The following CHID1 variants were observed in gnomAD, a reference collection of about 807,000 sequenced individuals.
CHID1 encodes the protein chitinase domain containing 1.
In CHID1, 44 loss-of-function variants were observed where a neutral mutation model predicts 55.4. That is an observed-to-expected ratio of 0.79 (90% confidence interval 0.62 to 1.02). The LOEUF (loss-of-function observed/expected upper bound fraction) is 1.02, where lower values mean the gene tolerates loss of function less well. Ranked by LOEUF, CHID1 falls within the 50% of genes least tolerant of loss-of-function variation. The pLI, the probability that CHID1 is intolerant of heterozygous loss-of-function variation, is 0.00. For missense variants in CHID1, 491 were observed against 515.3 expected, an observed-to-expected ratio of 0.95 and a Z score of 0.46; for synonymous variants, 216 against 212.9, an observed-to-expected ratio of 1.01 and a Z score of -0.13.
intron 7 of CHID1, among the ~76,000 whole-genome samples, chr11:895,308 C>G (rs1421246829): frequency 1.3e-5 from 2 of 152,188 alleles, no homozygotes; most frequent in Non-Finnish European, 2.9e-5. Context: ...AAGGTGCCCC[C>G]AGCCACTCTG....
intron 7 of CHID1, among the ~76,000 whole-genome samples, chr11:896,301 G>A (rs1431974561): frequency 2.3e-5 from 3 of 131,346 alleles, no homozygotes; most frequent in African/African-American, 3.2e-5. Context: ...CAGACACAAC[G>A]AGGCTGTCTC....
chr11:904,930 TG>T (rs1852099328), intron 1 of CHID1, 71 bp from the exon 2 acceptor site: 1 of 1,516,640 alleles, frequency 6.6e-7, no homozygotes, highest in African/African-American at 1.4e-5. Context: ...CCTCTGCTGA[TG>T]GGGCCACTTT....
At chr11:900,877 C>T in intron 5 of CHID1, 59 bp downstream of exon 5, 4 of 1,475,330 alleles carry the variant, frequency 2.7e-6, no homozygotes, top group Non-Finnish European at 2.8e-6. Context: ...CCAGTGCCCA[C>T]CTGTCCACCC....
intron 5 of CHID1, 65 bp from the exon 6 acceptor site, chr11:900,175 G>C: frequency 7.3e-7 from 1 of 1,361,452 alleles, no homozygotes; most frequent in Middle Eastern, 1.8e-4. Flanking sequence ...CCTGCTGTTT[G>C]CTGCCTCAAA....
At chr11:904,960 T>C in intron 1 of CHID1, 101 bp from the exon 2 acceptor site, 1 of 1,308,404 alleles carries the variant, frequency 7.6e-7, no homozygotes. Flanking sequence ...AGGGCCTGGG[T>C]CCTCATGGCA....
chr11:904,415 A>T (rs2134344758), intron 2 of CHID1, among the ~76,000 whole-genome samples: 1 of 152,350 alleles, frequency 6.6e-6, no homozygotes, highest in Non-Finnish European at 1.5e-5. Context: ...CGAGAGGTAG[A>T]GCATGGAAAC....
intron 10 of CHID1, among the ~76,000 whole-genome samples, chr11:881,383 C>G (rs897770428): frequency 6.8e-6 from 1 of 147,472 alleles, no homozygotes; most frequent in African/African-American, 2.5e-5. Context: ...GGGCGGTAGG[C>G]TGGGTGGTGA....
rs1422405560 is a variant in CHID1 at position 910,779 on chromosome 11, A to G, written c.-48T>C. On this transcript the variant is annotated 5_prime_UTR_variant, in exon 1 of 13. An upstream start codon of the reference 5' UTR is lost. Transcript: ENST00000323578. ...GCCGGCCGCCGCGGGGCTCACCTGC[A>G]TGTCAGGGAGGCCGGACGGCCACAA... 7 of 1,132,728 alleles carry G rather than the reference A, an allele frequency of 6.2e-6. No individual in the cohort carries two copies. Among genetic ancestry groups the G allele is most frequent in the Non-Finnish European group, 7.6e-6 (7 of 915,256 alleles). The allele number at this position is 1,132,728 out of a possible 1,614,324, so 70.2% of individuals were successfully genotyped here.
intron 8 of CHID1, 100 bp downstream of exon 8, chr11:893,327 G>A (rs1850979801): frequency 3.2e-6 from 3 of 925,196 alleles, no homozygotes; most frequent in South Asian, 3.2e-5. Context: ...TTTGGGTGCT[G>A]AGCAGGAGGG....
At chr11:901,064 G>T in intron 4 of CHID1, 84 bp from the exon 5 acceptor site, 1 of 1,318,230 alleles carries the variant, frequency 7.6e-7, no homozygotes, top group Non-Finnish European at 1.1e-6. Context: ...AAACGTGGCA[G>T]CCGCACAATA....
At position 880,886 on chromosome 11, in the gene CHID1, G is replaced by A. The variant is rs558275563; in HGVS notation, c.959+2262C>T. The stretch of plus-strand genomic sequence containing the variant: ...CTGCATCCAGAACAAAGATTAAGAT[G>A]ATTTATAAAAATGCTAAAACACCCA... On this transcript the variant is annotated intron_variant, in intron 10 of 12. Coordinates refer to ENST00000323578, the MANE Select transcript of CHID1 (RefSeq NM_023947.4). 8.9e-4 allele frequency among the ~76,000 whole-genome samples: 136 copies of A among 152,302 alleles called. 1 individual carries two copies. The highest frequency in any genetic ancestry group is 1.5e-3 in the Non-Finnish European group (103 of 68,030).
upstream of CHID1, among the ~76,000 whole-genome samples, chr11:912,057 G>T (rs556745341): frequency 2.6e-5 from 4 of 152,228 alleles, no homozygotes; most frequent in Non-Finnish European, 5.9e-5. Flanking sequence ...TCGGGCAGCC[G>T]CCGCCTTTAA....
chr11:909,439 A>C (rs907752484), intron 1 of CHID1, among the ~76,000 whole-genome samples: 2 of 152,196 alleles, frequency 1.3e-5, no homozygotes, highest in Non-Finnish European at 2.9e-5. Flanking sequence ...GTGGAGCGCT[A>C]CTGCTCCCAC....
At chr11:896,962 G>A (rs1402248933) in intron 7 of CHID1, among the ~76,000 whole-genome samples, 3 of 93,412 alleles carry the variant, frequency 3.2e-5, no homozygotes, top group Non-Finnish European at 6.1e-5. Context: ...CAGACACAAC[G>A]AGCCTGTCTC....
At chr11:907,219 C>T (rs1196352288) in intron 1 of CHID1, among the ~76,000 whole-genome samples, 3 of 152,162 alleles carry the variant, frequency 2.0e-5, no homozygotes, top group African/African-American at 7.2e-5. Context: ...CGGTGGCTCA[C>T]GCCTGTAATC....
At chr11:905,841 A>G (rs557286452) in intron 1 of CHID1, among the ~76,000 whole-genome samples, 2 of 152,272 alleles carry the variant, frequency 1.3e-5, no homozygotes, top group East Asian at 1.9e-4. Flanking sequence ...GAAAGAAAAT[A>G]CCACTGGAGT....
intron 7 of CHID1, among the ~76,000 whole-genome samples, chr11:897,370 A>T (rs1851441467): frequency 1.3e-5 from 2 of 152,176 alleles, no homozygotes; most frequent in South Asian, 2.1e-4. Flanking sequence ...AACGGAAATG[A>T]GTGTGGCAAA....
chr11:874,219 T>C (rs1849350707), intron 10 of CHID1, among the ~76,000 whole-genome samples: 1 of 152,150 alleles, frequency 6.6e-6, no homozygotes, highest in Non-Finnish European at 1.5e-5. Context: ...CCCAGCACTT[T>C]GGGAGGCTGA....
At chr11:896,652 G>A (rs546052705) in intron 7 of CHID1, among the ~76,000 whole-genome samples, 10 of 112,896 alleles carry the variant, frequency 8.9e-5, no homozygotes, top group African/African-American at 2.9e-4. Flanking sequence ...CCCCAGACAC[G>A]AAACTGTCTC....
Sources: gnomAD v4.1 joint callset for allele counts (sites outside exome capture counted in the v4.1 genomes callset) on GRCh38, gnomAD v4.1.1 for gene constraint, MANE v1.5 for transcripts, NCBI Gene and HGNC (gene_info 2026-07-23, HGNC 2026-07-21) for gene names.